Variants in FAM133A observed in about 807,000 individuals in gnomAD.
FAM133A encodes family with sequence similarity 133 member A.
For synonymous variants in FAM133A, 65 were observed against 58.6 expected (o/e 1.11, Z -0.50); for missense variants, 159 against 164.4 (o/e 0.97, Z 0.18).
chrX:93,679,280 A>C (rs1037989498), intron 2 of FAM133A, among the ~76,000 whole-genome samples: 2 of 111,873 alleles, frequency 1.8e-5, no homozygotes, highest in African/African-American at 6.5e-5. Context: ...TATTAATAGT[A>C]ATAAATAAAA....
chrX:93,708,540 T>A (rs921760228), intron 3 of FAM133A, among the ~76,000 whole-genome samples: 2 of 111,807 alleles, frequency 1.8e-5, no homozygotes, highest in Admixed American at 1.9e-4. Context: ...GATATGCCAT[T>A]TATTAGCCAT....
intron 2 of FAM133A, among the ~76,000 whole-genome samples, chrX:93,679,205 G>C (rs1924930721): frequency 9.1e-6 from 1 of 110,387 alleles, no homozygotes; most frequent in East Asian, 2.9e-4. Context: ...GTATCTTTAA[G>C]CTGTTAATAA....
chrX:93,695,845 C>T (rs1237975453), intron 2 of FAM133A, among the ~76,000 whole-genome samples: 2 of 107,753 alleles, frequency 1.9e-5, no homozygotes, highest in African/African-American at 6.8e-5. Flanking sequence ...GGGGTTTCAC[C>T]ATGTTAGCCA....
Position 93,709,498 on chromosome X carries a change from G to T in FAM133A, c.79G>T (p.Gly27Cys). Reference protein sequence around the residue: ...ARWRGPTQSVGPTIQDYLNRP... With the variant: ...ARWRGPTQSVCPTIQDYLNRP... ...ATGGAGAGGCCCAACTCAATCTGTG[G>T]GCCCAACAATCCAAGATTATCTAAA... Residue 27 changes from glycine to cysteine, a missense_variant, in exon 4 of 4, where the codon GGC becomes TGC. Coordinates refer to ENST00000683942, the MANE Select transcript of FAM133A (RefSeq NM_001171109.2). The T allele has an allele frequency of 2.5e-6, 3 of 1,207,044 alleles. No homozygotes were observed. Among genetic ancestry groups the T allele is most frequent in the Non-Finnish European group, 3.4e-6 (3 of 894,115 alleles).
At chrX:93,684,996 G>C (rs376825468) in intron 2 of FAM133A, among the ~76,000 whole-genome samples, 1 of 111,673 alleles carries the variant, frequency 9.0e-6, no homozygotes, top group East Asian at 2.8e-4. Context: ...GCTTTATTCT[G>C]ATTGGTATTT....
chrX:93,685,147 C>G (rs1299488194), intron 2 of FAM133A, among the ~76,000 whole-genome samples: 3 of 111,634 alleles, frequency 2.7e-5, no homozygotes, highest in African/African-American at 9.8e-5. Flanking sequence ...ATTGTTTCTT[C>G]TTATTTCAAA....
At chrX:93,701,325 TA>T (rs1227296490) in intron 3 of FAM133A, among the ~76,000 whole-genome samples, 1 of 111,868 alleles carries the variant, frequency 8.9e-6, no homozygotes, top group African/African-American at 3.2e-5. Flanking sequence ...AACACTGGCT[TA>T]ATAAGATTTG....
intron 3 of FAM133A, among the ~76,000 whole-genome samples, chrX:93,698,849 G>C (rs1926494676): frequency 9.0e-6 from 1 of 111,518 alleles, no homozygotes; most frequent in Non-Finnish European, 1.9e-5. Context: ...GAGAGCTTCA[G>C]TGGTGAACTC....
At chrX:93,682,217 G>A (rs949547597) in intron 2 of FAM133A, among the ~76,000 whole-genome samples, 40 of 111,885 alleles carry the variant, frequency 3.6e-4, no homozygotes, top group African/African-American at 1.3e-3. Flanking sequence ...ATCTCACAGA[G>A]CAATGGTGAG....
chrX:93,678,436 T>C (rs1924876351), intron 2 of FAM133A, among the ~76,000 whole-genome samples: 1 of 111,677 alleles, frequency 9.0e-6, no homozygotes, highest in Non-Finnish European at 1.9e-5. Flanking sequence ...GAATACAATG[T>C]GTAATGGTCA....
chrX:93,702,172 C>CA (rs1389944045), intron 3 of FAM133A, among the ~76,000 whole-genome samples: 6 of 111,570 alleles, frequency 5.4e-5, no homozygotes, highest in Non-Finnish European at 1.1e-4. Flanking sequence ...AACAATATCC[C>CA]AATAGCAATA....
intron 2 of FAM133A, among the ~76,000 whole-genome samples, chrX:93,696,725 T>C (rs936489885): frequency 7.1e-4 from 78 of 110,137 alleles, no homozygotes; most frequent in Non-Finnish European, 1.1e-3. Flanking sequence ...TCGAGACCAT[T>C]CTGGCTAACA....
At chrX:93,704,470 G>GT (rs1285539183) in intron 3 of FAM133A, among the ~76,000 whole-genome samples, 2 of 111,423 alleles carry the variant, frequency 1.8e-5, no homozygotes, top group Admixed American at 9.6e-5. Flanking sequence ...TTGCAGAAGA[G>GT]TTGAATGCTT....
At chrX:93,703,659 A>G (rs1926866833) in intron 3 of FAM133A, among the ~76,000 whole-genome samples, 1 of 112,653 alleles carries the variant, frequency 8.9e-6, no homozygotes, top group Admixed American at 9.4e-5. Context: ...ATGTCTTACT[A>G]TATTAAGGTA....
intron 2 of FAM133A, among the ~76,000 whole-genome samples, chrX:93,691,401 T>C (rs1925885872): frequency 8.9e-6 from 1 of 112,247 alleles, no homozygotes; most frequent in Admixed American, 9.5e-5. Context: ...TTGAAAAGAC[T>C]ATCGTTTTCA....
chrX:93,696,837 G>A (rs748426523), intron 2 of FAM133A, among the ~76,000 whole-genome samples: 1 of 109,589 alleles, frequency 9.1e-6, no homozygotes, highest in South Asian at 4.0e-4. Context: ...GGAGAATGGC[G>A]TGAACCCGGG....
intron 3 of FAM133A, among the ~76,000 whole-genome samples, chrX:93,706,583 A>G (rs763955417): frequency 9.0e-6 from 1 of 111,686 alleles, no homozygotes; most frequent in South Asian, 3.7e-4. Context: ...TCTCATAGGC[A>G]CTTCAAACTT....
At chrX:93,707,217 G>A (rs1569354689) in intron 3 of FAM133A, among the ~76,000 whole-genome samples, 1 of 111,948 alleles carries the variant, frequency 8.9e-6, no homozygotes, top group South Asian at 3.7e-4. Flanking sequence ...AATGATATTT[G>A]AGACGTGGTT....
rs1927275807 is a variant in FAM133A, at chrX:93,709,645, A to T, written c.226A>T (p.Ser76Cys). The T allele has an allele frequency of 8.4e-7, 1 of 1,191,742 alleles. No homozygotes were observed. Among genetic ancestry groups the T allele is most frequent in the East Asian group, 3.0e-5 (1 of 33,678 alleles). ...NENWKKELEK[S>C]REKLLSGNES... The stretch of plus-strand genomic sequence containing the variant: ...AAATTGGAAGAAAGAACTTGAAAAA[A>T]GCAGAGAGAAATTATTAAGTGGAAA... The change falls in exon 4 of 4, where the codon AGC (serine) becomes TGC (cysteine). Residue 76 changes from serine to cysteine, a missense_variant. Transcript: ENST00000683942.
Sources: gnomAD v4.1 joint callset for allele counts (sites outside exome capture counted in the v4.1 genomes callset) on GRCh38, gnomAD v4.1.1 for gene constraint, MANE v1.5 for transcripts, NCBI Gene and HGNC (gene_info 2026-07-23, HGNC 2026-07-21) for gene names.